The following PARD3B variants were observed in gnomAD, a reference collection of about 807,000 sequenced individuals.
PARD3B encodes par-3 family cell polarity regulator beta, also known as partitioning defective 3 homolog B.
Under a neutral mutation model 130.2 loss-of-function variants are expected in PARD3B, and 103 were observed. That is an observed-to-expected ratio of 0.79 (90% confidence interval 0.67 to 0.93). The LOEUF (loss-of-function observed/expected upper bound fraction) is 0.93, where lower values mean the gene tolerates loss of function less well. Among genes scored for constraint, PARD3B ranks in the 40% least tolerant of loss-of-function variants. PARD3B has a pLI of 0.00. For missense variants in PARD3B, 1,609 were observed against 1,499.2 expected (o/e 1.07, Z -1.21); for synonymous variants, 583 against 553.2 (o/e 1.05, Z -0.76).
chr2:204,729,357 C>G (rs562176158), intron 2 of PARD3B, among the ~76,000 whole-genome samples: 4 of 152,228 alleles, frequency 2.6e-5, no homozygotes, highest in Admixed American at 6.5e-5. Flanking sequence ...CACCGTATTC[C>G]TTGGGTTCTT....
intron 2 of PARD3B, among the ~76,000 whole-genome samples, chr2:204,945,890 G>A (rs1355613437): frequency 2.1e-5 from 3 of 140,432 alleles, no homozygotes; most frequent in Non-Finnish European, 4.8e-5. Flanking sequence ...CTGCTAGTTG[G>A]TTGGCTTTTT....
At chr2:204,919,887 C>G (rs1031571803) in intron 2 of PARD3B, among the ~76,000 whole-genome samples, 4 of 152,042 alleles carry the variant, frequency 2.6e-5, no homozygotes, top group Admixed American at 2.6e-4. Flanking sequence ...CATTTCTGTG[C>G]ATCTCCGAGT....
intron 2 of PARD3B, among the ~76,000 whole-genome samples, chr2:204,908,633 C>A (rs1430975055): frequency 6.6e-6 from 1 of 152,002 alleles, no homozygotes; most frequent in Non-Finnish European, 1.5e-5. Flanking sequence ...TGAAATGGAG[C>A]GTCGAAATGG....
chr2:204,994,097 T>A (rs1035483247), intron 3 of PARD3B, among the ~76,000 whole-genome samples: 6 of 148,482 alleles, frequency 4.0e-5, no homozygotes, highest in Non-Finnish European at 9.0e-5. Flanking sequence ...TGCTCTGATT[T>A]TAGTTATTGC....
chr2:204,926,180 G>C (rs1009594185), intron 2 of PARD3B, among the ~76,000 whole-genome samples: 2 of 151,972 alleles, frequency 1.3e-5, no homozygotes, highest in Admixed American at 6.6e-5. Flanking sequence ...TGTCACCCAG[G>C]CAAGACCACA....
intron 2 of PARD3B, among the ~76,000 whole-genome samples, chr2:204,709,161 T>A (rs1223540198): frequency 2.6e-5 from 4 of 152,230 alleles, no homozygotes; most frequent in African/African-American, 9.6e-5. Context: ...AAATTCCGTT[T>A]CCAGAATTGT....
chr2:204,746,850 T>C (rs570544917), intron 2 of PARD3B, among the ~76,000 whole-genome samples: 1 of 152,214 alleles, frequency 6.6e-6, no homozygotes, highest in Non-Finnish European at 1.5e-5. Flanking sequence ...TAAATTTGTT[T>C]GAGTTCTTTG....
At chr2:205,411,531 G>A (rs998625790) in intron 19 of PARD3B, among the ~76,000 whole-genome samples, 4 of 152,038 alleles carry the variant, frequency 2.6e-5, no homozygotes, top group African/African-American at 7.2e-5. Flanking sequence ...CAATATTTAC[G>A]AAGCACGCAC....
intron 2 of PARD3B, among the ~76,000 whole-genome samples, chr2:204,941,932 C>T (rs1307457991): frequency 6.6e-6 from 1 of 152,016 alleles, no homozygotes. Flanking sequence ...GAGAACAGAA[C>T]TTGAACTTAG....
At chr2:205,063,208 T>C (rs1293709298) in intron 4 of PARD3B, among the ~76,000 whole-genome samples, 1 of 152,070 alleles carries the variant, frequency 6.6e-6, no homozygotes, top group African/African-American at 2.4e-5. Context: ...ATAATCCTTG[T>C]AGCTATTTTG....
chr2:204,774,027 T>A (rs985129515), intron 2 of PARD3B, among the ~76,000 whole-genome samples: 1 of 152,138 alleles, frequency 6.6e-6, no homozygotes, highest in South Asian at 2.1e-4. Flanking sequence ...TGCTTTCAAC[T>A]TGTAGTTTCC....
chr2:205,229,550 G>A lies in PARD3B; in HGVS notation c.2141-16228G>A, dbSNP rs2038727365. Among the ~76,000 whole-genome samples the A allele has an allele frequency of 6.6e-6, 1 of 152,116 alleles. No homozygotes were observed. Among genetic ancestry groups the A allele is most frequent in the Non-Finnish European group, 1.5e-5 (1 of 68,026 alleles). On this transcript the variant is annotated intron_variant, in intron 15 of 22. Transcript: ENST00000406610. The surrounding 1 kb of genome is among the most constrained non-coding windows in gnomAD (Gnocchi z 5.2). ...TGCTGAGCCACCTAGAACCGGTGTA[G>A]GGCTGACACAAGCACCCTGTGGCCA...
chr2:204,589,679 G>T (rs551645962), intron 1 of PARD3B, among the ~76,000 whole-genome samples: 1 of 152,232 alleles, frequency 6.6e-6, no homozygotes, highest in South Asian at 2.1e-4. Context: ...AAAATCAAAA[G>T]GATTTTTGGT....
intron 3 of PARD3B, among the ~76,000 whole-genome samples, chr2:205,006,842 A>G (rs1202162075): frequency 2.6e-5 from 4 of 151,906 alleles, no homozygotes; most frequent in Admixed American, 1.3e-4. Context: ...TTATTTATTT[A>G]TTTGTTACAT....
chr2:205,164,587 C>G (rs1348699730), intron 11 of PARD3B, among the ~76,000 whole-genome samples: 1 of 151,564 alleles, frequency 6.6e-6, no homozygotes, highest in Non-Finnish European at 1.5e-5. Context: ...TACATGTACA[C>G]TATACTGAAT....
chr2:205,348,501 A>G lies in PARD3B; in HGVS notation c.2630+46800A>G, dbSNP rs187338106. Among the ~76,000 whole-genome samples, 9 of 152,336 alleles carry G rather than the reference A, an allele frequency of 5.9e-5. No individual in the cohort carries two copies. The East Asian group carries it at 1.5e-3, about 26-fold the overall frequency. ...TTAGAATGGGCAGGAGAGAGAGCAGATGGGTTAGGAAAGAGAATCACTGAA... is the reference window on the plus strand; with the variant it reads ...TTAGAATGGGCAGGAGAGAGAGCAGGTGGGTTAGGAAAGAGAATCACTGAA... On this transcript the variant is annotated intron_variant, in intron 18 of 22. Coordinates refer to ENST00000406610, the MANE Select transcript of PARD3B (RefSeq NM_001302769.2).
intron 2 of PARD3B, among the ~76,000 whole-genome samples, chr2:204,785,527 G>T (rs558216554): frequency 6.6e-6 from 1 of 152,204 alleles, no homozygotes; most frequent in East Asian, 1.9e-4. Flanking sequence ...ACACTTTAAG[G>T]TTGGATAGAT....
intron 22 of PARD3B, among the ~76,000 whole-genome samples, chr2:205,583,377 C>CTGTGTGTGTGTGTGTG (rs139162850): frequency 3.4e-4 from 51 of 150,488 alleles, no homozygotes; most frequent in South Asian, 2.7e-3. Context: ...CTCCTAAGCT[C>CTGTGTGTGTGTGTGTG]TGTGTGTGTG....
At chr2:204,749,778 G>A (rs1475184127) in intron 2 of PARD3B, among the ~76,000 whole-genome samples, 1 of 152,160 alleles carries the variant, frequency 6.6e-6, no homozygotes, top group South Asian at 2.1e-4. Context: ...AGCTGATAGT[G>A]GTAAAGGAAG....
Sources: allele counts gnomAD v4.1 joint callset (sites outside exome capture counted in the v4.1 genomes callset), GRCh38; gene constraint gnomAD v4.1.1; non-coding constraint Gnocchi (gnomAD v3.1); transcripts MANE v1.5; gene names NCBI Gene and HGNC (gene_info 2026-07-23, HGNC 2026-07-21).